USP33: variants seen among roughly 807,000 people sequenced by gnomAD.
The protein encoded by USP33 is ubiquitin carboxyl-terminal hydrolase 33.
In USP33, 46 loss-of-function variants were observed where a neutral mutation model predicts 124.2. The observed-to-expected ratio is 0.37, with a 90% CI of 0.29 to 0.47. The LOEUF (loss-of-function observed/expected upper bound fraction) is 0.47. Among genes scored for constraint, USP33 ranks in the 20% least tolerant of loss-of-function variants. The pLI, the probability that USP33 is intolerant of heterozygous loss-of-function variation, is 0.99. For synonymous variants in USP33, 350 were observed against 352.3 expected (o/e 0.99, Z 0.07); for missense variants, 851 against 1,070.6 (o/e 0.79, Z 2.86).
intron 5 of USP33, 100 bp from the exon 6 acceptor site, chr1:77,736,258 G>A (rs1570821871): frequency 1.5e-6 from 1 of 660,316 alleles, no homozygotes; most frequent in Non-Finnish European, 2.4e-6. Flanking sequence ...AAATTATTGA[G>A]ATGTTATTTT....
At chr1:77,752,982 G>A (rs1327367849) in intron 1 of USP33, among the ~76,000 whole-genome samples, 1 of 152,086 alleles carries the variant, frequency 6.6e-6, no homozygotes, top group Non-Finnish European at 1.5e-5. Context: ...GGGAGGCTGA[G>A]GCATGGGAAT....
intron 7 of USP33, among the ~76,000 whole-genome samples, chr1:77,731,212 T>C (rs1461962148): frequency 2.6e-5 from 4 of 152,230 alleles, no homozygotes; most frequent in African/African-American, 4.8e-5. Flanking sequence ...GTCAAATTTA[T>C]ATAAAGTCAA....
intron 1 of USP33, among the ~76,000 whole-genome samples, chr1:77,753,932 T>C (rs561352881): frequency 3.4e-4 from 51 of 152,018 alleles, no homozygotes; most frequent in Non-Finnish European, 6.2e-4. Flanking sequence ...ACTGAAAGCA[T>C]GGATGTTTAA....
intron 6 of USP33, among the ~76,000 whole-genome samples, chr1:77,734,884 G>C (rs1047548710): frequency 6.6e-6 from 1 of 152,160 alleles, no homozygotes; most frequent in African/African-American, 2.4e-5. Flanking sequence ...AGCACTTTGG[G>C]AGGCTGAGGT....
Position 77,725,694 on chromosome 1 carries a change from T to C in USP33, c.1204A>G (p.Asn402Asp). The part of the protein sequence containing the change: ...PQILPSNEGV[N>D]PRLSASPPKS... Reference sequence around the variant, plus strand: ...GGAGGGCTTGCCGATAAACGTGGATTAACACCTTCATTTGATGGAAGGATC... The same window carrying C: ...GGAGGGCTTGCCGATAAACGTGGATCAACACCTTCATTTGATGGAAGGATC... The change falls in exon 11 of 24, where the codon AAT becomes GAT. Residue 402 changes from asparagine to aspartate, a missense_variant. By Grantham distance (23) the Asn-to-Asp change is conservative. This residue lies in a region of USP33 where 207 missense variants were observed against 200.9 expected (regional missense o/e 1.03). Coordinates refer to ENST00000370794, the MANE Select transcript of USP33 (RefSeq NM_201624.3). 1 of 1,614,164 alleles carries C rather than the reference T, an allele frequency of 6.2e-7. No homozygotes were observed. The highest frequency in any genetic ancestry group is 1.3e-5 in the African/African-American group (1 of 75,048).
chr1:77,701,981 A>C (rs1259796595), intron 21 of USP33, among the ~76,000 whole-genome samples: 1 of 151,618 alleles, frequency 6.6e-6, no homozygotes, highest in Non-Finnish European at 1.5e-5. Context: ...ACACACAAAA[A>C]ATTTTTTTAA....
At chr1:77,725,156 A>C (rs1176141488) in intron 11 of USP33, among the ~76,000 whole-genome samples, 1 of 152,238 alleles carries the variant, frequency 6.6e-6, no homozygotes, top group Non-Finnish European at 1.5e-5. Flanking sequence ...CCTGTTTCAA[A>C]AGACTACATA....
At chr1:77,727,495 A>G (rs749467564) in intron 10 of USP33, among the ~76,000 whole-genome samples, 1 of 152,236 alleles carries the variant, frequency 6.6e-6, no homozygotes, top group Non-Finnish European at 1.5e-5. Flanking sequence ...AGTCTTCCCG[A>G]TTAGAAAGCA....
At chr1:77,722,588 A>G (rs1676693796) in intron 12 of USP33, among the ~76,000 whole-genome samples, 2 of 152,174 alleles carry the variant, frequency 1.3e-5, no homozygotes, top group Admixed American at 6.5e-5. Context: ...TAAAAGGGTG[A>G]GACAAAATCT....
chr1:77,705,922 T>C (rs1304242387), intron 21 of USP33, among the ~76,000 whole-genome samples: 2 of 152,228 alleles, frequency 1.3e-5, no homozygotes, highest in Admixed American at 1.3e-4. Context: ...TATAGTCTTT[T>C]GTATGTCTTA....
intron 1 of USP33, among the ~76,000 whole-genome samples, chr1:77,747,679 G>A (rs997979668): frequency 5.9e-5 from 9 of 152,138 alleles, no homozygotes; most frequent in African/African-American, 2.2e-4. Flanking sequence ...TATGCCTCTT[G>A]TAATAGCTTC....
At chr1:77,709,434 T>A (rs1426593297) in intron 21 of USP33, among the ~76,000 whole-genome samples, 1 of 151,996 alleles carries the variant, frequency 6.6e-6, no homozygotes, top group Non-Finnish European at 1.5e-5. Flanking sequence ...AGGATCCCTT[T>A]AGCCTAGGAG....
At chr1:77,739,006 A>T (rs527476957) in intron 5 of USP33, among the ~76,000 whole-genome samples, 77 of 147,482 alleles carry the variant, frequency 5.2e-4, no homozygotes, top group Middle Eastern at 3.5e-3. Flanking sequence ...TGAGTCATTT[A>T]AAAAAAAAAA....
In USP33 at chr1:77,718,592, A is replaced by G. The variant is rs765179130; in HGVS notation, c.1737+4T>C. The G allele has an allele frequency of 5.0e-6, 8 of 1,600,240 alleles. No individual in the cohort carries two copies. Among genetic ancestry groups the G allele is most frequent in the Admixed American group, 1.7e-5 (1 of 59,508 alleles). ...TATAAGTTGAATTAAAATAATGCCC[A>G]TACCTCAGGAAAGTTTTGTACTTTA... On this transcript the variant is annotated splice_donor_region_variant and intron_variant, in intron 16 of 23. Coordinates refer to ENST00000370794, the MANE Select transcript of USP33 (RefSeq NM_201624.3).
Position 77,721,838 on chromosome 1 carries a change from T to C in USP33, c.1650A>G (p.Glu550=). 1 of 1,606,718 alleles carries C rather than the reference T, an allele frequency of 6.2e-7. No individual in the cohort carries two copies. Among genetic ancestry groups the C allele is most frequent in the East Asian group, 2.2e-5 (1 of 44,826 alleles). ...AGATATTATATTTCTTACCTTTTAG[T>C]TCATCTCTGGCAAAGAAGGCAGCAA... ...DCLAAFFARD[E]LKGDNMYSCE... The change falls in exon 14 of 24, where the codon GAA becomes GAG. Residue 550 remains glutamate, a synonymous_variant. Coordinates refer to ENST00000370794, the MANE Select transcript of USP33 (RefSeq NM_201624.3).
chr1:77,724,052 A>G (rs1378299300), intron 11 of USP33, among the ~76,000 whole-genome samples: 2 of 152,072 alleles, frequency 1.3e-5, no homozygotes, highest in East Asian at 3.9e-4. Context: ...GCACAAAACC[A>G]CAAATGCTTC....
chr1:77,715,613 T>C (rs1266980237), intron 18 of USP33, 129 bp downstream of exon 18: 2 of 1,088,268 alleles, frequency 1.8e-6, no homozygotes, highest in Non-Finnish European at 2.6e-6. Context: ...TCACTGTATT[T>C]TACTGTAATG....
At chr1:77,728,154 A>G (rs1366987398) in intron 10 of USP33, 141 bp downstream of exon 10, 11 of 884,550 alleles carry the variant, frequency 1.2e-5, no homozygotes, top group Admixed American at 3.5e-5. Flanking sequence ...CTCGGGTTCT[A>G]TAATTTTATG....
intron 6 of USP33, 126 bp from the exon 7 acceptor site, chr1:77,734,542 A>G: frequency 1.7e-6 from 1 of 595,306 alleles, no homozygotes; most frequent in Admixed American, 3.7e-5. Context: ...AACTTGAACA[A>G]TTCAGAGAGG....
Sources: allele counts gnomAD v4.1 joint callset (sites outside exome capture counted in the v4.1 genomes callset), GRCh38; gene constraint gnomAD v4.1.1; regional missense constraint gnomAD v4.1.1; transcripts MANE v1.5; gene names NCBI Gene and HGNC (gene_info 2026-07-23, HGNC 2026-07-21).